ARHGEF40: variants seen among roughly 807,000 people sequenced by gnomAD.
ARHGEF40 encodes Rho guanine nucleotide exchange factor (GEF) 40.
In ARHGEF40, 98 loss-of-function variants were observed where a neutral mutation model predicts 165.9. The observed-to-expected ratio is 0.59, with a 90% CI of 0.50 to 0.70. ARHGEF40 has a LOEUF of 0.70. Among genes scored for constraint, ARHGEF40 ranks in the 30% least tolerant of loss-of-function variants. The pLI is 0.00. For missense variants in ARHGEF40, 1,815 were observed against 1,968.0 expected (o/e 0.92, Z 1.47); for synonymous variants, 792 against 814.3 (o/e 0.97, Z 0.47).
Position 21,087,321 on chromosome 14 carries a change from C to T in ARHGEF40, c.4245C>T (p.Ala1415=), listed in dbSNP as rs376417932. The change falls in exon 21 of 24, where the codon GCC becomes GCT. Residue 1415 remains alanine (A), a splice_region_variant and synonymous_variant. Coordinates refer to ENST00000298694, the MANE Select transcript of ARHGEF40 (RefSeq NM_018071.5). ...RTLSALLTGR[A]ARTRASVAVS... is the part of the protein sequence containing the mutation. Reference sequence around the variant, plus strand: ...CCCCCCACTCCCCACTCTCTGCAGCCGCCCGCACCCGGGCCTCCGTGGCCG... The same window carrying T: ...CCCCCCACTCCCCACTCTCTGCAGCTGCCCGCACCCGGGCCTCCGTGGCCG... 44 of 1,605,576 alleles carry T rather than the reference C, an allele frequency of 2.7e-5. No homozygotes were observed. The highest frequency in any genetic ancestry group is 8.3e-5 in the Admixed American group (5 of 59,972).
intron 19 of ARHGEF40, 38 bp from the exon 20 acceptor site, chr14:21,086,963 G>A (rs1160529797): frequency 1.3e-6 from 2 of 1,534,220 alleles, no homozygotes; most frequent in Non-Finnish European, 1.8e-6. Context: ...AGAGAGAAGG[G>A]CAGGAAGAAG....
intron 19 of ARHGEF40, chr14:21,086,227 A>C (rs1269501222): frequency 7.7e-6 from 2 of 259,150 alleles, no homozygotes; most frequent in Non-Finnish European, 1.5e-5. Flanking sequence ...AAATTTTAAA[A>C]TTAACTGGGC....
intron 20 of ARHGEF40, 25 bp downstream of exon 20, chr14:21,087,130 G>C: frequency 6.2e-7 from 1 of 1,603,682 alleles, no homozygotes; most frequent in Non-Finnish European, 8.5e-7. Context: ...GCTGGGGGGT[G>C]GCCCCCAGGA....
rs141368918 is a variant in ARHGEF40, at chr14:21,074,993, T to C, written c.1263T>C (p.Ser421=). ...CCCTTGGCAATCTGCCCTCACCAAG[T>C]GAGCACAAGCTTCCAGAATGCCACC... ...QEALGNLPSP[S]EHKLPECHLV... is the part of the protein sequence containing the mutation. The change falls in exon 3 of 24, where the codon AGT becomes AGC. Residue 421 remains serine, a synonymous_variant. Transcript: ENST00000298694. This position sits in a 1 kb window ranked among gnomAD's most constrained non-coding sequence, Gnocchi z 4.8. 69 of 1,612,810 alleles carry C rather than the reference T, an allele frequency of 4.3e-5. No individual in the cohort carries two copies. The highest frequency in any genetic ancestry group is 5.3e-5 in the Non-Finnish European group (62 of 1,179,718).
chr14:21,084,607 A>G (rs1888193924), intron 17 of ARHGEF40, 146 bp from the exon 18 acceptor site: 10 of 832,332 alleles, frequency 1.2e-5, no homozygotes, highest in Non-Finnish European at 1.8e-5. Flanking sequence ...CAGTTGATGG[A>G]CCCTAGGCTG....
chr14:21,076,688 A>G, intron 7 of ARHGEF40, 45 bp downstream of exon 7: 1 of 1,461,278 alleles, frequency 6.8e-7, no homozygotes, highest in Non-Finnish European at 9.4e-7. Flanking sequence ...AGTAGTGGGG[A>G]GAGGAGAAGA....
chr14:21,083,807 C>T, intron 16 of ARHGEF40, 28 bp from the exon 17 acceptor site: 2 of 1,602,590 alleles, frequency 1.2e-6, no homozygotes, highest in Non-Finnish European at 1.7e-6. Flanking sequence ...CACCCCTCCC[C>T]TCATCCCTGT....
chr14:21,067,891 A>G (rs190869819), upstream of ARHGEF40, among the ~76,000 whole-genome samples: 1 of 151,970 alleles, frequency 6.6e-6, no homozygotes, highest in Non-Finnish European at 1.5e-5. Flanking sequence ...CACAGATTTT[A>G]AAACTCCTGG....
rs1886719800 is a variant in ARHGEF40, at chr14:21,070,772, G to A, written c.3+373G>A. On this transcript the variant is annotated intron_variant, in intron 1 of 23. Transcript: ENST00000298694. The surrounding 1 kb of genome is among the most constrained non-coding windows in gnomAD (Gnocchi z 4.7). ...CCTTACCCGCGGGAGACCCCTGCGG[G>A]TTGGTCCTGCAGCGACCCTGGAAGA... 6.5e-7 allele frequency: 1 copy of A among 1,526,990 alleles called. No individual in the cohort carries two copies. Among genetic ancestry groups the A allele is most frequent in the Non-Finnish European group, 8.8e-7 (1 of 1,139,610 alleles). 94.6% of individuals were successfully genotyped at this position (1,526,990 alleles called of 1,614,324 possible). A position where few individuals can be genotyped will look rare whatever the true frequency, so the allele number is the denominator to read the frequency against.
chr14:21,087,548 T>A, intron 21 of ARHGEF40, 85 bp downstream of exon 21: 1 of 1,546,026 alleles, frequency 6.5e-7, no homozygotes, highest in Non-Finnish European at 8.7e-7. Context: ...AATTCCTTTT[T>A]CTAGCCAAGA....
chr14:21,076,762 T>C lies in ARHGEF40; in HGVS notation c.1918-12T>C. The C allele has an allele frequency of 6.2e-7, 1 of 1,613,552 alleles. No homozygotes were observed. Among genetic ancestry groups the C allele is most frequent in the Non-Finnish European group, 8.5e-7 (1 of 1,179,518 alleles). ...GTGCCCAGGAAGAAACCCCCTGCCTTACCCTCTACAGGGTGCTGAGGTGCT... is the reference window on the plus strand; with the variant it reads ...GTGCCCAGGAAGAAACCCCCTGCCTCACCCTCTACAGGGTGCTGAGGTGCT... On this transcript the variant is annotated splice_polypyrimidine_tract_variant and intron_variant, in intron 7 of 23. Transcript: ENST00000298694.
rs1301486440 is a variant in ARHGEF40, at chr14:21,082,015, C to T, written c.3147C>T (p.Asp1049=). Residue 1049 remains aspartate, a synonymous_variant, in exon 14 of 24, where the codon GAC becomes GAT. Transcript: ENST00000298694. ...AGGTCACCAGCACTGAGGTGGTAGA[C>T]AGGACGTGCTCACCACGGGAACACG... The part of the protein sequence containing the change: ...GLEVTSTEVV[D]RTCSPREHVL... 3.1e-5 allele frequency: 48 copies of T among 1,572,598 alleles called. No homozygotes were observed. Among genetic ancestry groups the T allele is most frequent in the Non-Finnish European group, 4.1e-5 (47 of 1,158,818 alleles).
At position 21,070,499 on chromosome 14, in the gene ARHGEF40, A is replaced by T; in HGVS notation, c.3+100A>T. The T allele has an allele frequency of 7.5e-7, 1 of 1,332,512 alleles. No individual in the cohort carries two copies. The highest frequency in any genetic ancestry group is 9.7e-7 in the Non-Finnish European group (1 of 1,029,772). The allele number at this position is 1,332,512 out of a possible 1,614,324, so 82.5% of individuals were successfully genotyped here. A position where few individuals can be genotyped will look rare whatever the true frequency, so the allele number is the denominator to read the frequency against. On this transcript the variant is annotated intron_variant, in intron 1 of 23. Transcript: ENST00000298694. This position sits in a 1 kb window ranked among gnomAD's most constrained non-coding sequence, Gnocchi z 4.7. ...CTGGTGCCTCCCGAGCCTGCCTCGG[A>T]CTGTTCGGCCCCTCTGGGACTCTCC... is the stretch of plus-strand genomic sequence containing the variant.
At position 21,078,281 on chromosome 14, in the gene ARHGEF40, T is replaced by C. The variant is rs745666468; in HGVS notation, c.2130+9T>C. 6.2e-7 allele frequency: 1 copy of C among 1,612,606 alleles called. No homozygotes were observed. Among genetic ancestry groups the C allele is most frequent in the South Asian group, 1.1e-5 (1 of 90,912 alleles). On this transcript the variant is annotated intron_variant, in intron 9 of 23. Transcript: ENST00000298694. The stretch of plus-strand genomic sequence containing the variant: ...CAGAGCCAGAGGAAGAGGTATGAAA[T>C]GAGATGGGACAGTGGGGGGATGGGA...
At chr14:21,062,868 C>A in the ARHGEF40 span, among the ~76,000 whole-genome samples, 1 of 150,430 alleles carries the variant, frequency 6.6e-6, no homozygotes, top group Admixed American at 6.6e-5. Context: ...AATTCCAACA[C>A]TTTGGGAGGC....
upstream of ARHGEF40, among the ~76,000 whole-genome samples, chr14:21,069,144 CCTG>C (rs1437671853): frequency 1.3e-5 from 2 of 152,224 alleles, no homozygotes; most frequent in Non-Finnish European, 2.9e-5. Context: ...CTTCCCGGTG[CCTG>C]CTCAGAGGCC....
intron 14 of ARHGEF40, 46 bp from the exon 15 acceptor site, chr14:21,082,198 C>G (rs764999568): frequency 6.3e-7 from 1 of 1,578,826 alleles, no homozygotes; most frequent in East Asian, 2.3e-5. Flanking sequence ...GTTGGGGGTA[C>G]TGGCTCCCTC....
chr14:21,067,712 C>A (rs1886342521), upstream of ARHGEF40, among the ~76,000 whole-genome samples: 1 of 151,876 alleles, frequency 6.6e-6, no homozygotes, highest in East Asian at 1.9e-4. Flanking sequence ...CTTTCATATT[C>A]CCCCACTAAA....
chr14:21,082,285 A>G lies in ARHGEF40; in HGVS notation c.3293A>G (p.Gln1098Arg). The change falls in exon 15 of 24, where the codon CAA becomes CGA. Residue 1098 changes from glutamine to arginine, a missense_variant. Transcript: ENST00000298694. Reference protein sequence around the residue: ...RLVSELIACEQDYVATLSEPV... With the variant: ...RLVSELIACERDYVATLSEPV... ...GTGTCTGAGCTGATTGCCTGTGAACAAGATTACGTGGCCACCTTGAGTGAG... is the reference window on the plus strand; with the variant it reads ...GTGTCTGAGCTGATTGCCTGTGAACGAGATTACGTGGCCACCTTGAGTGAG... 2 of 1,612,934 alleles carry G rather than the reference A, an allele frequency of 1.2e-6. No homozygotes were observed. Among genetic ancestry groups the G allele is most frequent in the South Asian group, 1.1e-5 (1 of 91,004 alleles).
Sources: allele counts gnomAD v4.1 joint callset (sites outside exome capture counted in the v4.1 genomes callset), GRCh38; gene constraint gnomAD v4.1.1; non-coding constraint Gnocchi (gnomAD v3.1); transcripts MANE v1.5; gene names NCBI Gene and HGNC (gene_info 2026-07-23, HGNC 2026-07-21).